Variants in MEGF6 observed in about 807,000 individuals in gnomAD.
The protein encoded by MEGF6 is multiple epidermal growth factor-like domains protein 6.
MEGF6 carries 184 observed loss-of-function variants against 207.1 expected under a neutral mutation model. The observed-to-expected ratio is 0.89, with a 90% CI of 0.79 to 1.00. MEGF6 has a LOEUF of 1.00. Ranked by LOEUF, MEGF6 falls within the 50% of genes least tolerant of loss-of-function variation. MEGF6 has a pLI of 0.00. For synonymous variants in MEGF6, 1,038 were observed against 910.0 expected, an observed-to-expected ratio of 1.14 and a Z score of -2.53; for missense variants, 2,282 against 2,202.9, an observed-to-expected ratio of 1.04 and a Z score of -0.72.
chr1:3,492,934 A>C, intron 34 of MEGF6, 167 bp from the exon 35 acceptor site: 1 of 853,508 alleles, frequency 1.2e-6, no homozygotes, highest in Non-Finnish European at 1.8e-6. Flanking sequence ...CTGAGGAGTA[A>C]ACAGTCCCTG....
chr1:3,500,943 G>A (rs1483039657), intron 20 of MEGF6, 23 bp downstream of exon 20: 2 of 1,610,842 alleles, frequency 1.2e-6, no homozygotes, highest in Middle Eastern at 4.3e-4. Context: ...TCTGGACAAA[G>A]GGCAAGCCAA....
At chr1:3,587,956 G>C (rs147481572) in intron 3 of MEGF6, among the ~76,000 whole-genome samples, 1 of 11,564 alleles carries the variant, frequency 8.6e-5, no homozygotes, top group Non-Finnish European at 1.4e-4. Flanking sequence ...GCAGGAGGGG[G>C]CAGGAGGGGG....
chr1:3,502,532 G>A (rs578190821), intron 17 of MEGF6, among the ~76,000 whole-genome samples: 31 of 152,276 alleles, frequency 2.0e-4, no homozygotes, highest in Admixed American at 2.0e-3. Context: ...CTGTGGGATG[G>A]GGCTAGAATG....
At chr1:3,534,112 C>T (rs910971478) in intron 4 of MEGF6, among the ~76,000 whole-genome samples, 4 of 152,132 alleles carry the variant, frequency 2.6e-5, no homozygotes, top group Admixed American at 6.5e-5. Flanking sequence ...TCGGAGTCTA[C>T]GGCCAGCCGG....
chr1:3,595,932 G>A (rs1290285737), intron 2 of MEGF6, among the ~76,000 whole-genome samples: 2 of 152,148 alleles, frequency 1.3e-5, no homozygotes, highest in African/African-American at 2.4e-5. Flanking sequence ...CAGGGGAGGT[G>A]CCAGTTCAAA....
intron 5 of MEGF6, among the ~76,000 whole-genome samples, chr1:3,523,456 C>T (rs1049102162): frequency 2.0e-5 from 3 of 152,148 alleles, no homozygotes; most frequent in Admixed American, 2.0e-4. Flanking sequence ...CGGCCACAGT[C>T]CGTGTCCGCG....
At chr1:3,547,417 G>C (rs968509906) in intron 4 of MEGF6, among the ~76,000 whole-genome samples, 1 of 152,166 alleles carries the variant, frequency 6.6e-6, no homozygotes, top group Admixed American at 6.5e-5. Context: ...AGAGGAGGTG[G>C]CCCTGCTCCC....
intron 5 of MEGF6, among the ~76,000 whole-genome samples, chr1:3,522,093 C>T (rs1641772514): frequency 6.6e-6 from 1 of 152,244 alleles, no homozygotes; most frequent in Non-Finnish European, 1.5e-5. Flanking sequence ...GCGAAACAGA[C>T]ACATCACAGC....
chr1:3,537,082 T>C (rs960254756), intron 4 of MEGF6, among the ~76,000 whole-genome samples: 19 of 152,200 alleles, frequency 1.2e-4, no homozygotes, highest in Admixed American at 1.2e-3. Context: ...GGGCTGGGTG[T>C]GGGAGCCAGA....
At position 3,514,490 on chromosome 1, in the gene MEGF6, AC is replaced by A. The variant is rs1641465248; in HGVS notation, c.853+59del. ...CCCAGAGTTAGACACGGGTCCCTCCACAGCACCTGGGTGCGCTTTCTGACCC... is the reference window on the plus strand; with the variant it reads ...CCCAGAGTTAGACACGGGTCCCTCCAAGCACCTGGGTGCGCTTTCTGACCC... On this transcript the variant is annotated intron_variant, in intron 7 of 36. Transcript: ENST00000356575. 4.6e-6 allele frequency: 7 copies of A among 1,523,582 alleles called. No homozygotes were observed. In the East Asian group the frequency reaches 1.7e-4, roughly 36 times the overall value. The allele number at this position is 1,523,582 out of a possible 1,614,324, so 94.4% of individuals were successfully genotyped here.
chr1:3,551,143 A>G (rs1642871693), intron 4 of MEGF6, among the ~76,000 whole-genome samples: 1 of 152,170 alleles, frequency 6.6e-6, no homozygotes, highest in South Asian at 2.1e-4. Flanking sequence ...CACAGATGTG[A>G]GGCTGCCAGA....
At chr1:3,521,247 A>G (rs1217413793) in intron 5 of MEGF6, among the ~76,000 whole-genome samples, 1 of 151,864 alleles carries the variant, frequency 6.6e-6, no homozygotes, top group African/African-American at 2.4e-5. Context: ...AGGCCTGGGC[A>G]GAGGGTGCCA....
chr1:3,494,158 C>G, intron 32 of MEGF6, 34 bp from the exon 33 acceptor site: 1 of 1,528,012 alleles, frequency 6.5e-7, no homozygotes. Flanking sequence ...GACAAGGGCA[C>G]ACGGTGGCAG....
chr1:3,493,579 G>C (rs1640467450), intron 34 of MEGF6, 192 bp downstream of exon 34: 1 of 735,094 alleles, frequency 1.4e-6, no homozygotes, highest in Non-Finnish European at 2.2e-6. Flanking sequence ...GCTCCAGCAG[G>C]AGGGCCATGC....
chr1:3,509,647 C>T (rs566308442), intron 11 of MEGF6, among the ~76,000 whole-genome samples: 147 of 152,310 alleles, frequency 9.7e-4, no homozygotes, highest in African/African-American at 3.4e-3. Flanking sequence ...CAGCTTCCCC[C>T]ACCCCACTGT....
In MEGF6 at chr1:3,509,900, GGTAGCCGGCCTCGCAGGAGCACTGGAA is replaced by G. The variant is rs2101035136; in HGVS notation, c.1300_1326del (p.Phe434_Tyr442del). The G allele has an allele frequency of 1.3e-6, 2 of 1,560,794 alleles. No individual in the cohort carries two copies. Among genetic ancestry groups the G allele is most frequent in the East Asian group, 4.7e-5 (2 of 42,164 alleles). ...CAGCCCCTACGGTCCTCGTGCAGCC[GGTAGCCGGCCTCGCAGGAGCACTGGAA>G]GGAGCCGGCCAGGTTGGTGCAGTGG... On this transcript the variant is annotated inframe_deletion, in exon 11 of 37. Coordinates refer to ENST00000356575, the MANE Select transcript of MEGF6 (RefSeq NM_001409.4).
intron 4 of MEGF6, chr1:3,531,110 A>G: frequency 6.5e-6 from 10 of 1,527,916 alleles, no homozygotes; most frequent in Non-Finnish European, 8.8e-6. Context: ...CTCACGGGGT[A>G]GCCGGCCTGG....
chr1:3,531,167 T>C (rs2101377126), intron 4 of MEGF6: 2 of 1,523,956 alleles, frequency 1.3e-6, no homozygotes, highest in South Asian at 1.2e-5. Flanking sequence ...CGGTAGTGCG[T>C]GCCCGCGACG....
At chr1:3,559,855 CA>C (rs1241087571) in intron 4 of MEGF6, among the ~76,000 whole-genome samples, 2 of 151,850 alleles carry the variant, frequency 1.3e-5, no homozygotes, top group Non-Finnish European at 2.9e-5. Flanking sequence ...ACTAAAAATA[CA>C]AAAAATTAGC....
Sources: allele counts gnomAD v4.1 joint callset (sites outside exome capture counted in the v4.1 genomes callset), GRCh38; gene constraint gnomAD v4.1.1; transcripts MANE v1.5; gene names NCBI Gene and HGNC (gene_info 2026-07-23, HGNC 2026-07-21).